Variants in TAOK2 observed in about 807,000 individuals in gnomAD.
TAOK2 encodes the protein serine/threonine-protein kinase TAO2.
A neutral mutation model predicts 122.5 loss-of-function variants in TAOK2; 42 were observed. The ratio of observed to expected loss-of-function variants is 0.34; its 90% CI spans 0.27 to 0.44. The LOEUF (loss-of-function observed/expected upper bound fraction) is 0.44. TAOK2 is among the 20% of genes least tolerant of loss of function. TAOK2 has a pLI of 1.00. For synonymous variants in TAOK2, 704 were observed against 677.6 expected (o/e 1.04, Z -0.61); for missense variants, 1,264 against 1,644.9 (o/e 0.77, Z 4.01).
downstream of TAOK2, chr16:29,989,257 A>T: frequency 1.0e-6 from 1 of 983,184 alleles, no homozygotes; most frequent in Non-Finnish European, 1.2e-6. Flanking sequence ...CTGTCCAGTA[A>T]CTCCGATGTT....
downstream of TAOK2, chr16:29,991,115 G>C: frequency 6.2e-7 from 1 of 1,603,632 alleles, no homozygotes; most frequent in Admixed American, 1.7e-5. This position sits in a 1 kb window ranked among gnomAD's most constrained non-coding sequence, Gnocchi z 5.6. Flanking sequence ...TTGAGCGGCA[G>C]GCCCGTGAGA....
chr16:29,982,518 G>A (rs903946404), intron 10 of TAOK2, among the ~76,000 whole-genome samples: 2 of 152,202 alleles, frequency 1.3e-5, no homozygotes, highest in Admixed American at 1.3e-4. Flanking sequence ...GACTGTCCCT[G>A]CCTGTCAGCC....
At position 29,979,352 on chromosome 16, in the gene TAOK2, G is replaced by A; in HGVS notation, c.563+44G>A. 1 of 1,609,140 alleles carries A rather than the reference G, an allele frequency of 6.2e-7. No individual in the cohort carries two copies. Among genetic ancestry groups the A allele is most frequent in the South Asian group, 1.1e-5 (1 of 90,956 alleles). ...GTGAGTGGAGAGACCTCCCAGGGAT[G>A]TTGGGAGTAGGAGTGACAGGGTCTC... On this transcript the variant is annotated intron_variant, in intron 7 of 15. Coordinates refer to ENST00000308893, the MANE Select transcript of TAOK2 (RefSeq NM_016151.4). This position sits in a 1 kb window ranked among gnomAD's most constrained non-coding sequence, Gnocchi z 4.1.
chr16:29,976,325 A>G (rs779542045), intron 1 of TAOK2, among the ~76,000 whole-genome samples: 3 of 152,290 alleles, frequency 2.0e-5, no homozygotes, highest in South Asian at 2.1e-4. Context: ...GCAGAGAGCA[A>G]TCACTCAGTC....
chr16:29,981,983 G>A, intron 10 of TAOK2, 43 bp downstream of exon 10: 2 of 1,528,178 alleles, frequency 1.3e-6, no homozygotes, highest in Non-Finnish European at 9.0e-7. Context: ...ACTGTAGCTT[G>A]TTACAGCCAC....
rs1453067603 is a variant in TAOK2 at position 29,987,883 on chromosome 16, A to C, written c.3611A>C (p.Gln1204Pro). 1 of 1,601,052 alleles carries C rather than the reference A, an allele frequency of 6.2e-7. No homozygotes were observed. Among genetic ancestry groups the C allele is most frequent in the East Asian group, 2.2e-5 (1 of 44,634 alleles). The part of the protein sequence containing the change: ...IPRLLPRSQR[Q>P]LGPPASRQPL... The stretch of plus-strand genomic sequence containing the variant: ...CGGCTACTACCACGCAGCCAGCGCC[A>C]GCTAGGGCCCCCTGCCTCCCGCCAG... The change falls in exon 16 of 16, where the codon CAG becomes CCG. Residue 1204 changes from glutamine (Q) to proline (P), a missense_variant. Around this residue, in one of 4 missense-constraint regions of TAOK2, gnomAD observed 824 missense variants for 908.7 expected, o/e 0.91. Coordinates refer to ENST00000308893, the MANE Select transcript of TAOK2 (RefSeq NM_016151.4).
At chr16:29,989,763 G>A (rs1490860088), downstream of TAOK2, 1 of 1,613,936 alleles carries the variant, frequency 6.2e-7, no homozygotes, top group East Asian at 2.2e-5. Context: ...TCTTGGCGGA[G>A]CAGTATGACC....
rs547678935 is a variant in TAOK2 at position 29,975,428 on chromosome 16, T to A, written c.-36+780T>A. 3.5e-4 allele frequency among the ~76,000 whole-genome samples: 53 copies of A among 152,348 alleles called. 1 individual carries two copies. The South Asian group carries it at 0.011, about 31-fold the overall frequency. ...CTCAATCACATCTTTCCCTGATGCA[T>A]GCCTGGTTCTTGCCATCTCTTTTCC... On this transcript the variant is annotated intron_variant, in intron 1 of 15. Coordinates refer to ENST00000308893, the MANE Select transcript of TAOK2 (RefSeq NM_016151.4).
chr16:29,989,725 A>G, downstream of TAOK2: 1 of 1,614,042 alleles, frequency 6.2e-7, no homozygotes, highest in Non-Finnish European at 8.5e-7. Flanking sequence ...TAAGCGGCTC[A>G]AGGAAGAGCA....
rs2069877527 is a variant in TAOK2 at position 29,988,245 on chromosome 16, C to G, written c.*265C>G. 4.8e-6 allele frequency: 7 copies of G among 1,454,504 alleles called. No individual in the cohort carries two copies. Among genetic ancestry groups the G allele is most frequent in the Non-Finnish European group, 6.3e-6 (7 of 1,110,082 alleles). 90.1% of individuals were successfully genotyped at this position (1,454,504 alleles called of 1,614,324 possible). Reference sequence around the variant, plus strand: ...GTGCTCATCCTCACCCTCATTGACTCAGGCCTGGGGCCAGGGGTGGTGGAG... The same window carrying G: ...GTGCTCATCCTCACCCTCATTGACTGAGGCCTGGGGCCAGGGGTGGTGGAG... On this transcript the variant is annotated 3_prime_UTR_variant, in exon 16 of 16. Transcript: ENST00000308893.
rs571986337 is a variant in TAOK2 at position 29,978,733 on chromosome 16, CAAGG to C, written c.307-62_307-59del. On this transcript the variant is annotated intron_variant, in intron 4 of 15. Transcript: ENST00000308893. ...GGACATAGCTTGAGTACAGGACAGTCAAGGAAGCTCTGTTTTGAGTCCCTGCCCA... is the reference window on the plus strand; with the variant it reads ...GGACATAGCTTGAGTACAGGACAGTCAAGCTCTGTTTTGAGTCCCTGCCCA... 1.0e-4 allele frequency: 160 copies of C among 1,590,402 alleles called. No individual in the cohort carries two copies. In the African/African-American group the frequency reaches 2.0e-3, roughly 19 times the overall value.
downstream of TAOK2, chr16:29,989,154 C>T (rs1451705666): frequency 2.3e-5 from 23 of 985,208 alleles, no homozygotes; most frequent in East Asian, 1.1e-4. Flanking sequence ...CGCTTGTTCT[C>T]GTGCACGTTC....
chr16:29,981,604 C>T (rs2069618425), intron 8 of TAOK2, 57 bp from the exon 9 acceptor site: 1 of 1,540,680 alleles, frequency 6.5e-7, no homozygotes. Context: ...AGTTCCATTC[C>T]ATTGTCCTCT....
downstream of TAOK2, chr16:29,989,519 C>CCT (rs1490412685): frequency 1.1e-5 from 18 of 1,600,002 alleles, no homozygotes; most frequent in East Asian, 4.0e-4. Flanking sequence ...GGTTGTTCCT[C>CCT]CTCTTCCTCT....
rs2069805129 is a variant in TAOK2 at position 29,986,614 on chromosome 16, A to C, written c.2342A>C (p.Glu781Ala). 6.2e-7 allele frequency: 1 copy of C among 1,612,834 alleles called. No homozygotes were observed. The highest frequency in any genetic ancestry group is 1.7e-5 in the Admixed American group (1 of 59,766). Residue 781 changes from glutamate (E) to alanine (A), a missense_variant, in exon 16 of 16, where the codon GAG becomes GCG. Glu to Ala is a moderately radical substitution (Grantham distance 107). This residue lies in a region of TAOK2 where 824 missense variants were observed against 908.7 expected (regional missense o/e 0.91). Coordinates refer to ENST00000308893, the MANE Select transcript of TAOK2 (RefSeq NM_016151.4). This position sits in a 1 kb window ranked among gnomAD's most constrained non-coding sequence, Gnocchi z 4.2. ...IEQQPCSPGQ[E>A]AVLDQRMLGE... ...CAGCAGCCCTGCTCACCTGGCCAGG[A>C]GGCAGTCCTGGACCAAAGAATGCTT...
In TAOK2 at chr16:29,983,676, C is replaced by T. The variant is rs1194794228; in HGVS notation, c.1422+12C>T. 7 of 1,601,364 alleles carry T rather than the reference C, an allele frequency of 4.4e-6. No individual in the cohort carries two copies. Among genetic ancestry groups the T allele is most frequent in the Non-Finnish European group, 6.0e-6 (7 of 1,173,006 alleles). On this transcript the variant is annotated intron_variant, in intron 13 of 15. Coordinates refer to ENST00000308893, the MANE Select transcript of TAOK2 (RefSeq NM_016151.4). ...GAACCGCCTCCCTGGTGAGTGTAGCCATCCTCACTCAGCCTGCTCGCTGTC... is the reference window on the plus strand; with the variant it reads ...GAACCGCCTCCCTGGTGAGTGTAGCTATCCTCACTCAGCCTGCTCGCTGTC...
rs761030327 is a variant in TAOK2, at chr16:29,986,595, C to G, written c.2323C>G (p.Pro775Ala). The change falls in exon 16 of 16, where the codon CCC (proline) becomes GCC (alanine). Residue 775 changes from proline (P) to alanine (A), a missense_variant. Coordinates refer to ENST00000308893, the MANE Select transcript of TAOK2 (RefSeq NM_016151.4). This position sits in a 1 kb window ranked among gnomAD's most constrained non-coding sequence, Gnocchi z 4.2. Reference protein sequence around the residue: ...PNTGTPIEQQPCSPGQEAVLD... With the variant: ...PNTGTPIEQQACSPGQEAVLD... Reference sequence around the variant, plus strand: ...CACAGGCACCCCTATAGAACAGCAGCCCTGCTCACCTGGCCAGGAGGCAGT... The same window carrying G: ...CACAGGCACCCCTATAGAACAGCAGGCCTGCTCACCTGGCCAGGAGGCAGT... 6.2e-7 allele frequency: 1 copy of G among 1,613,378 alleles called. No individual in the cohort carries two copies. Among genetic ancestry groups the G allele is most frequent in the Non-Finnish European group, 8.5e-7 (1 of 1,179,670 alleles).
chr16:29,981,272 A>T, intron 8 of TAOK2: 1 of 499,100 alleles, frequency 2.0e-6, no homozygotes. Context: ...GTCCTATTTA[A>T]TCTTTTAGAC....
At chr16:29,990,118 A>C, downstream of TAOK2, 1 of 307,360 alleles carries the variant, frequency 3.3e-6, no homozygotes. Context: ...GGTGCAGATT[A>C]AAGTGAGTGT....
Sources: allele counts gnomAD v4.1 joint callset (sites outside exome capture counted in the v4.1 genomes callset), GRCh38; gene constraint gnomAD v4.1.1; regional missense constraint gnomAD v4.1.1; non-coding constraint Gnocchi (gnomAD v3.1); transcripts MANE v1.5; gene names NCBI Gene and HGNC (gene_info 2026-07-23, HGNC 2026-07-21).